Variants in PSMD1 observed in about 807,000 individuals in gnomAD.
The protein encoded by PSMD1 is proteasome 26S subunit, non-ATPase 1.
A neutral mutation model predicts 119.0 loss-of-function variants in PSMD1; 18 were observed. That is an observed-to-expected ratio of 0.15 (90% CI 0.10 to 0.22). PSMD1 has a LOEUF of 0.22. Ranked by LOEUF, PSMD1 falls within the 10% of genes least tolerant of loss-of-function variation. PSMD1 has a pLI of 1.00. For missense variants in PSMD1, 702 were observed against 1,158.5 expected (o/e 0.61, Z 5.72); for synonymous variants, 374 against 396.6 (o/e 0.94, Z 0.68).
intron 4 of PSMD1, among the ~76,000 whole-genome samples, chr2:231,063,403 C>T (rs1693807427): frequency 6.6e-6 from 1 of 152,156 alleles, no homozygotes; most frequent in Admixed American, 6.5e-5. Flanking sequence ...ATGTGTTTAT[C>T]AGACTTTGGA....
chr2:231,074,543 A>AT (rs1367106166), intron 7 of PSMD1, among the ~76,000 whole-genome samples: 1 of 149,778 alleles, frequency 6.7e-6, no homozygotes, highest in Non-Finnish European at 1.5e-5. Context: ...TTTATTTCTG[A>AT]TTTTCTCTAG....
chr2:231,172,575 A>G lies in PSMD1; in HGVS notation c.*50A>G, dbSNP rs1277253185. 1 of 152,188 alleles carries G rather than the reference A, an allele frequency of 6.6e-6. No homozygotes were observed. Among genetic ancestry groups the G allele is most frequent in the Non-Finnish European group, 1.5e-5 (1 of 68,050 alleles). The allele number at this position is 152,188 out of a possible 1,614,324, so 9.4% of individuals were successfully genotyped here. On this transcript the variant is annotated 3_prime_UTR_variant, in exon 25 of 25. Coordinates refer to ENST00000308696, the MANE Select transcript of PSMD1 (RefSeq NM_002807.4). ...TCTGAAGAAGATTGTCCAGGCTCAT[A>G]TTGGGAATGCTTATGAGGAAATTCA...
chr2:231,083,098 A>T, intron 13 of PSMD1, 104 bp downstream of exon 13: 1 of 882,242 alleles, frequency 1.1e-6, no homozygotes, highest in Admixed American at 2.8e-5. Flanking sequence ...ATTCCGATGG[A>T]TTTCTCTAGT....
chr2:231,093,439 T>C (rs1694649335), intron 16 of PSMD1, among the ~76,000 whole-genome samples: 1 of 152,174 alleles, frequency 6.6e-6, no homozygotes, highest in Non-Finnish European at 1.5e-5. Flanking sequence ...CGTCCGGGGC[T>C]GCTGGTCCTG....
rs951327736 is a variant in PSMD1 at position 231,170,403 on chromosome 2, C to T, written c.2716-163C>T. ...TACTGGGTTAAGTTTGCAAATACTT[C>T]GTATAGATCACAGTTATCTTTATCC... On this transcript the variant is annotated intron_variant, in intron 23 of 24. Coordinates refer to ENST00000308696, the MANE Select transcript of PSMD1 (RefSeq NM_002807.4). The surrounding 1 kb of genome is among the most constrained non-coding windows in gnomAD (Gnocchi z 4.1). 29 of 668,590 alleles carry T rather than the reference C, an allele frequency of 4.3e-5. No individual in the cohort carries two copies. The highest frequency in any genetic ancestry group is 6.1e-5 in the Non-Finnish European group (27 of 440,008). The allele number at this position is 668,590 out of a possible 1,614,324, so 41.4% of individuals were successfully genotyped here. A position where few individuals can be genotyped will look rare whatever the true frequency, so the allele number is the denominator to read the frequency against.
intron 17 of PSMD1, among the ~76,000 whole-genome samples, chr2:231,141,469 A>C (rs1464082318): frequency 7.4e-6 from 1 of 135,414 alleles, no homozygotes. Flanking sequence ...TGTCACTGTC[A>C]CCCAGGCTGG....
chr2:231,144,913 G>A (rs1333349914), intron 17 of PSMD1, among the ~76,000 whole-genome samples: 1 of 152,128 alleles, frequency 6.6e-6, no homozygotes, highest in Non-Finnish European at 1.5e-5. Flanking sequence ...ACCTAGTACT[G>A]TGTCTGAAAA....
rs146184522 is a variant in PSMD1, at chr2:231,062,310, C to T, written c.123C>T (p.Ser41=). 1.2e-4 allele frequency: 193 copies of T among 1,608,162 alleles called. 1 individual carries two copies. The African/African-American group carries it at 1.8e-3, about 15-fold the overall frequency. ...ACTTCTGGGCAGAAATTTCCGAGTC[C>T]GTAGACAAAATGTAAGAAATTATTT... ...VNDFWAEISE[S]VDKIEVLYED... Residue 41 remains serine, a synonymous_variant, in exon 3 of 25, where the codon TCC becomes TCT. Transcript: ENST00000308696.
chr2:231,091,550 G>A (rs1360830156), intron 16 of PSMD1, among the ~76,000 whole-genome samples: 1 of 152,212 alleles, frequency 6.6e-6, no homozygotes, highest in African/African-American at 2.4e-5. Flanking sequence ...AGGCATAGTG[G>A]TTATAACTCG....
At position 231,076,883 on chromosome 2, in the gene PSMD1, CAGT is replaced by C. The variant is rs1694181230; in HGVS notation, c.943-148_943-146del. The C allele has an allele frequency of 1.3e-5, 7 of 541,800 alleles. No individual in the cohort carries two copies. In the South Asian group the frequency reaches 2.9e-4, roughly 22 times the overall value. The allele number at this position is 541,800 out of a possible 1,614,324, so 33.6% of individuals were successfully genotyped here. A position where few individuals can be genotyped will look rare whatever the true frequency, so the allele number is the denominator to read the frequency against. On this transcript the variant is annotated intron_variant, in intron 8 of 24. Coordinates refer to ENST00000308696, the MANE Select transcript of PSMD1 (RefSeq NM_002807.4). ...CTTCCATCAAGCTAGTATCATATCT[CAGT>C]AGCATCTAATAAAGAAAGAAATAAA...
intron 16 of PSMD1, among the ~76,000 whole-genome samples, chr2:231,126,511 C>A (rs918365149): frequency 1.1e-4 from 16 of 152,072 alleles, no homozygotes; most frequent in Non-Finnish European, 1.5e-5. Flanking sequence ...ACTTTGACAT[C>A]TGTGCTTATG....
intron 17 of PSMD1, among the ~76,000 whole-genome samples, chr2:231,144,870 A>G (rs757708214): frequency 9.2e-5 from 14 of 152,152 alleles, no homozygotes; most frequent in Admixed American, 5.2e-4. Context: ...TTGTTTTAGG[A>G]GTAAGAGGGT....
intron 12 of PSMD1, among the ~76,000 whole-genome samples, chr2:231,081,794 C>T (rs1022488682): frequency 6.6e-6 from 1 of 152,190 alleles, no homozygotes; most frequent in Non-Finnish European, 1.5e-5. Flanking sequence ...CAGAGGTACT[C>T]TGACCTCATT....
intron 16 of PSMD1, among the ~76,000 whole-genome samples, chr2:231,119,091 A>T (rs1284542030): frequency 6.6e-6 from 1 of 152,108 alleles, no homozygotes; most frequent in Non-Finnish European, 1.5e-5. Context: ...GTCTAATATG[A>T]TAGTGTTTTA....
intron 20 of PSMD1, among the ~76,000 whole-genome samples, chr2:231,162,655 G>C (rs1161361839): frequency 2.6e-5 from 4 of 152,134 alleles, no homozygotes; most frequent in Admixed American, 1.3e-4. Flanking sequence ...CATCAATGCA[G>C]ATTGGGTAAA....
In PSMD1 at chr2:231,057,078, G is replaced by C. The variant is rs1278039187; in HGVS notation, c.16+37G>C. On this transcript the variant is annotated intron_variant, in intron 1 of 24. Coordinates refer to ENST00000308696, the MANE Select transcript of PSMD1 (RefSeq NM_002807.4). ...CCGTAGCCAGCGCCTGGAGGGAGGA[G>C]CCGCCGCCGCGCCGGCTTTTAGCTG... The C allele has an allele frequency of 2.0e-6, 3 of 1,487,336 alleles. No homozygotes were observed. The Admixed American group carries it at 6.9e-5, about 34-fold the overall frequency. The allele number at this position is 1,487,336 out of a possible 1,614,324, so 92.1% of individuals were successfully genotyped here. A position where few individuals can be genotyped will look rare whatever the true frequency, so the allele number is the denominator to read the frequency against.
In PSMD1 at chr2:231,062,248, G is replaced by T; in HGVS notation, c.61G>T (p.Glu21Ter). 1 of 1,609,430 alleles carries T rather than the reference G, an allele frequency of 6.2e-7. No individual in the cohort carries two copies. Among genetic ancestry groups the T allele is most frequent in the South Asian group, 1.1e-5 (1 of 90,712 alleles). Reference sequence around the variant, plus strand: ...ATAGGATTTTGGTTATCTTTTACAGGAATTTGCACTACACAAATTGAATGC... The same window carrying T: ...ATAGGATTTTGGTTATCTTTTACAGTAATTTGCACTACACAAATTGAATGC... ...LLDEDEPQLK[E>*]FALHKLNAVV... Residue 21 changes from glutamate to a stop codon, truncating the protein, a stop_gained and splice_region_variant, in exon 3 of 25, where the codon GAA (glutamate) becomes TAA (stop). Transcript: ENST00000308696. LOFTEE classifies it high-confidence loss of function.
At position 231,085,482 on chromosome 2, in the gene PSMD1, C is replaced by T. The variant is rs925457446; in HGVS notation, c.1818+368C>T. On this transcript the variant is annotated intron_variant, in intron 15 of 24. Coordinates refer to ENST00000308696, the MANE Select transcript of PSMD1 (RefSeq NM_002807.4). Reference sequence around the variant, plus strand: ...GGAACCATTTATTTCTTTTTACAGCCGGTAGAGTTAGCTTCCACATACCCC... The same window carrying T: ...GGAACCATTTATTTCTTTTTACAGCTGGTAGAGTTAGCTTCCACATACCCC... 5.9e-5 allele frequency among the ~76,000 whole-genome samples: 9 copies of T among 152,144 alleles called. No homozygotes were observed. The East Asian group carries it at 7.7e-4, about 13-fold the overall frequency.
chr2:231,169,325 C>G (rs1187112891), intron 23 of PSMD1, among the ~76,000 whole-genome samples: 3 of 152,150 alleles, frequency 2.0e-5, no homozygotes, highest in African/African-American at 7.2e-5. Context: ...GTAGGAGATT[C>G]ATCTCCATTT....
Sources: allele counts gnomAD v4.1 joint callset (sites outside exome capture counted in the v4.1 genomes callset), GRCh38; gene constraint gnomAD v4.1.1; non-coding constraint Gnocchi (gnomAD v3.1); transcripts MANE v1.5; gene names NCBI Gene and HGNC (gene_info 2026-07-23, HGNC 2026-07-21).